SDK1: variants seen among roughly 807,000 people sequenced by gnomAD.
SDK1 encodes the protein sidekick cell adhesion molecule 1, also known as protein sidekick-1.
In SDK1, 157 loss-of-function variants were observed where a neutral mutation model predicts 245.5. The observed-to-expected ratio is 0.64, with a 90% CI of 0.56 to 0.73. SDK1 has a LOEUF of 0.73. Ranked by LOEUF, SDK1 falls within the 30% of genes least tolerant of loss-of-function variation. The pLI, the probability that SDK1 is intolerant of heterozygous loss-of-function variation, is 0.00. For missense variants in SDK1, 3,583 were observed against 3,002.3 expected, an observed-to-expected ratio of 1.19 and a Z score of -4.52; for synonymous variants, 1,647 against 1,278.5, an observed-to-expected ratio of 1.29 and a Z score of -6.15.
intron 2 of SDK1, among the ~76,000 whole-genome samples, chr7:3,638,705 A>T (rs1299447582): frequency 2.6e-5 from 4 of 151,320 alleles, no homozygotes; most frequent in Admixed American, 2.6e-4. Context: ...TAATGGGTGC[A>T]GCACACCAGC....
In SDK1 at chr7:4,026,916, A is replaced by G. The variant is rs1787397366; in HGVS notation, c.2602+9564A>G. On this transcript the variant is annotated intron_variant, in intron 17 of 44. Transcript: ENST00000404826. This position sits in a 1 kb window ranked among gnomAD's most constrained non-coding sequence, Gnocchi z 4.1. Reference sequence around the variant, plus strand: ...GCTCCCTGGTTTCAAAGGCGTATACATTTAATTCTATGTGGTAACCTGGAG... The same window carrying G: ...GCTCCCTGGTTTCAAAGGCGTATACGTTTAATTCTATGTGGTAACCTGGAG... 6.6e-6 allele frequency among the ~76,000 whole-genome samples: 1 copy of G among 152,216 alleles called. No homozygotes were observed. The highest frequency in any genetic ancestry group is 2.4e-5 in the African/African-American group (1 of 41,456).
intron 17 of SDK1, among the ~76,000 whole-genome samples, chr7:4,029,625 T>A (rs116826642): frequency 0.01 from 1,557 of 152,194 alleles, 22 homozygotes; most frequent in South Asian, 0.028. Context: ...CCCACTCACA[T>A]CACCCAAGCA....
intron 4 of SDK1, among the ~76,000 whole-genome samples, chr7:3,803,914 G>A (rs1009493287): frequency 1.2e-4 from 18 of 151,812 alleles, no homozygotes; most frequent in African/African-American, 4.1e-4. Flanking sequence ...ACAGGCACCC[G>A]CCACCACGCC....
At chr7:3,718,687 A>G (rs1785275852) in intron 4 of SDK1, among the ~76,000 whole-genome samples, 2 of 152,182 alleles carry the variant, frequency 1.3e-5, no homozygotes, top group South Asian at 2.1e-4. Context: ...TACAACTAAT[A>G]CACTTAGTGG....
At chr7:3,629,025 G>T (rs1000326163) in intron 2 of SDK1, among the ~76,000 whole-genome samples, 1 of 151,996 alleles carries the variant, frequency 6.6e-6, no homozygotes, top group African/African-American at 2.4e-5. Flanking sequence ...AAGCGCAGTG[G>T]CTCACACCTA....
intron 1 of SDK1, among the ~76,000 whole-genome samples, chr7:3,596,873 GAGGTAC>G (rs979610300): frequency 3.9e-5 from 6 of 152,140 alleles, no homozygotes; most frequent in Non-Finnish European, 5.9e-5. Context: ...AGATAGAAGT[GAGGTAC>G]AGGTACAGAA....
chr7:3,565,957 C>G (rs1001527412), intron 1 of SDK1, among the ~76,000 whole-genome samples: 4 of 152,084 alleles, frequency 2.6e-5, no homozygotes, highest in African/African-American at 9.7e-5. Context: ...TCAATTTATT[C>G]TAGTAGTATC....
chr7:4,108,997 G>T (rs565079155), intron 22 of SDK1, among the ~76,000 whole-genome samples: 1 of 152,336 alleles, frequency 6.6e-6, no homozygotes, highest in East Asian at 1.9e-4. Context: ...GTGGTAGCAG[G>T]TGTGGGTGCT....
chr7:4,140,944 A>G (rs1461977550), intron 28 of SDK1, among the ~76,000 whole-genome samples: 4 of 152,170 alleles, frequency 2.6e-5, no homozygotes, highest in African/African-American at 7.2e-5. Context: ...TCTATTTTAA[A>G]TTTTTAAAAA....
intron 1 of SDK1, among the ~76,000 whole-genome samples, chr7:3,584,670 A>C (rs967501773): frequency 1.3e-5 from 2 of 151,516 alleles, no homozygotes; most frequent in Non-Finnish European, 2.9e-5. Context: ...CCGCTGAGTG[A>C]GCTGGTGTGT....
chr7:3,705,549 C>T (rs897853585), intron 4 of SDK1, among the ~76,000 whole-genome samples: 1 of 148,838 alleles, frequency 6.7e-6, no homozygotes, highest in Non-Finnish European at 1.5e-5. Flanking sequence ...ATTTGAGTCT[C>T]AGTTTGGTGG....
At chr7:3,557,542 AT>A (rs952400975) in intron 1 of SDK1, among the ~76,000 whole-genome samples, 76 of 152,332 alleles carry the variant, frequency 5.0e-4, no homozygotes, top group Non-Finnish European at 8.7e-4. Flanking sequence ...ATGTGCTAAC[AT>A]TTTATAGAAT....
rs1206085055 is a variant in SDK1 at position 4,266,251 on chromosome 7, A to G, written c.*867A>G. On this transcript the variant is annotated 3_prime_UTR_variant, in exon 45 of 45. Transcript: ENST00000404826. ...GGAAGCGTGCATTGTTAACCAGAGT[A>G]TTTTTAAAATCTTTTTATCTTTTTT... 1 of 985,258 alleles carries G rather than the reference A, an allele frequency of 1.0e-6. No homozygotes were observed. Among genetic ancestry groups the G allele is most frequent in the African/African-American group, 1.7e-5 (1 of 57,242 alleles). 61.0% of individuals were successfully genotyped at this position (985,258 alleles called of 1,614,324 possible).
chr7:4,122,816 A>G (rs930946446), intron 25 of SDK1, among the ~76,000 whole-genome samples: 1 of 152,218 alleles, frequency 6.6e-6, no homozygotes, highest in Non-Finnish European at 1.5e-5. Flanking sequence ...AGTTGAATCT[A>G]CTTCAAAATA....
At chr7:3,891,782 G>A (rs1014735392) in intron 5 of SDK1, among the ~76,000 whole-genome samples, 2 of 152,204 alleles carry the variant, frequency 1.3e-5, no homozygotes, top group African/African-American at 4.8e-5. Context: ...TTTACCCGTA[G>A]GCTGTGCTTT....
intron 25 of SDK1, among the ~76,000 whole-genome samples, chr7:4,116,502 C>T (rs1783719804): frequency 6.6e-6 from 1 of 152,204 alleles, no homozygotes; most frequent in Admixed American, 6.5e-5. Flanking sequence ...CTTTCTTGCT[C>T]ATTCCCCGGG....
intron 17 of SDK1, among the ~76,000 whole-genome samples, chr7:4,043,288 T>C (rs1370816664): frequency 7.0e-6 from 1 of 141,928 alleles, no homozygotes; most frequent in African/African-American, 2.7e-5. Context: ...AGAGTGAGTG[T>C]CACAGCCAGG....
intron 1 of SDK1, among the ~76,000 whole-genome samples, chr7:3,470,084 T>C (rs1360946446): frequency 6.6e-6 from 1 of 152,178 alleles, no homozygotes; most frequent in East Asian, 1.9e-4. Context: ...GAGAAGATAC[T>C]AGAGAGGGTC....
Position 3,573,764 on chromosome 7 carries a change from T to G in SDK1, c.299-45316T>G, listed in dbSNP as rs147303652. Among the ~76,000 whole-genome samples, 156 of 152,094 alleles carry G rather than the reference T, an allele frequency of 1.0e-3. 1 individual carries two copies. Among genetic ancestry groups the G allele is most frequent in the African/African-American group, 3.5e-3 (146 of 41,540 alleles). On this transcript the variant is annotated intron_variant, in intron 1 of 44. Transcript: ENST00000404826. ...TGGTGGCTGATGTGGCCACATAACATTGTGATTTTTGACCCTTCCTTTTCT... is the reference window on the plus strand; with the variant it reads ...TGGTGGCTGATGTGGCCACATAACAGTGTGATTTTTGACCCTTCCTTTTCT...
Sources: allele counts gnomAD v4.1 joint callset (sites outside exome capture counted in the v4.1 genomes callset), GRCh38; gene constraint gnomAD v4.1.1; non-coding constraint Gnocchi (gnomAD v3.1); transcripts MANE v1.5; gene names NCBI Gene and HGNC (gene_info 2026-07-23, HGNC 2026-07-21).